Variants in C21orf91 observed in about 807,000 individuals in gnomAD.
The protein encoded by C21orf91 is protein EURL homolog.
C21orf91 carries 26 observed loss-of-function variants against 32.9 expected under a neutral mutation model. The observed-to-expected ratio is 0.79, with a 90% CI of 0.58 to 1.10. C21orf91 has a LOEUF of 1.10. Ranked by LOEUF, C21orf91 falls within the 50% of genes least tolerant of loss-of-function variation. C21orf91 has a pLI of 0.00. For missense variants in C21orf91, 310 were observed against 341.3 expected (o/e 0.91, Z 0.72); for synonymous variants, 126 against 120.4 (o/e 1.05, Z -0.31).
intron 2 of C21orf91, among the ~76,000 whole-genome samples, chr21:17,799,251 T>C (rs868262868): frequency 6.6e-6 from 1 of 152,188 alleles, no homozygotes; most frequent in African/African-American, 2.4e-5. Flanking sequence ...AATAGATATC[T>C]ATTTGAAGAA....
chr21:17,800,667 TGA>T (rs1200001363), intron 2 of C21orf91, among the ~76,000 whole-genome samples: 3 of 152,226 alleles, frequency 2.0e-5, no homozygotes, highest in Non-Finnish European at 2.9e-5. Context: ...TTTGAGGAGC[TGA>T]GTTATAATAA....
chr21:17,799,008 G>GCTAATCC (rs1458856482), intron 2 of C21orf91, among the ~76,000 whole-genome samples: 1 of 152,148 alleles, frequency 6.6e-6, no homozygotes, highest in East Asian at 1.9e-4. Context: ...CAGATGGTTA[G>GCTAATCC]CTAATCCCTC....
Position 17,796,636 on chromosome 21 carries a change from A to G in C21orf91, c.610T>C (p.Ser204Pro), listed in dbSNP as rs2062519956. 6.2e-7 allele frequency: 1 copy of G among 1,613,968 alleles called. No homozygotes were observed. ...GTCTGGACATTAGCCTCTGGACTAGAGATTGTCTCTTCTTTTTTCTGTGCC... is the reference window on the plus strand; with the variant it reads ...GTCTGGACATTAGCCTCTGGACTAGGGATTGTCTCTTCTTTTTTCTGTGCC... ...NQAQKKEETI[S>P]SPEANVQTQH... is the part of the protein sequence containing the mutation. The change falls in exon 3 of 5, where the codon TCT (serine) becomes CCT (proline). Residue 204 changes from serine to proline, a missense_variant. By Grantham distance (74) the Ser-to-Pro change is moderately conservative (BLOSUM62 -1). Transcript: ENST00000284881.
In C21orf91 at chr21:17,809,708, C is replaced by G. The variant is rs191665091; in HGVS notation, c.127+8484G>C. Among the ~76,000 whole-genome samples, 10 of 152,204 alleles carry G rather than the reference C, an allele frequency of 6.6e-5. 1 individual carries two copies. The highest frequency in any genetic ancestry group is 3.3e-4 in the Admixed American group (5 of 15,286). ...TGTCTTTTTCCTCCTCTCATGTAAG[C>G]CTCATGATTTTGGGGATTTGTTTAT... is the stretch of plus-strand genomic sequence containing the variant. On this transcript the variant is annotated intron_variant, in intron 2 of 4. Transcript: ENST00000284881.
intron 2 of C21orf91, among the ~76,000 whole-genome samples, chr21:17,799,998 T>C (rs2062547907): frequency 1.3e-5 from 2 of 152,212 alleles, no homozygotes; most frequent in Admixed American, 6.5e-5. Context: ...GTTACTCCTA[T>C]ATTTAGTCTA....
Position 17,789,253 on chromosome 21 carries a change from T to TAACACACACACACACACACACA in C21orf91, c.*4161_*4162insTGTGTGTGTGTGTGTGTGTGTT, listed in dbSNP as rs201696665. 45 of 149,850 alleles carry TAACACACACACACACACACACA rather than the reference T, an allele frequency of 3.0e-4. No homozygotes were observed. Among genetic ancestry groups the TAACACACACACACACACACACA allele is most frequent in the African/African-American group, 9.6e-4 (39 of 40,546 alleles). 9.3% of individuals were successfully genotyped at this position (149,850 alleles called of 1,614,324 possible). A position where few individuals can be genotyped will look rare whatever the true frequency, so the allele number is the denominator to read the frequency against. ...ATACGCTACTGTTTTAAAGCAAGGT[T>TAACACACACACACACACACACA]CACACACACACACACACACACACAC... On this transcript the variant is annotated 3_prime_UTR_variant, in exon 5 of 5. Transcript: ENST00000284881.
intron 2 of C21orf91, among the ~76,000 whole-genome samples, chr21:17,802,424 G>A (rs1004405044): frequency 2.0e-5 from 3 of 152,226 alleles, no homozygotes; most frequent in African/African-American, 7.2e-5. Context: ...GCCTAGCAAA[G>A]TGCTGGGATT....
intron 2 of C21orf91, among the ~76,000 whole-genome samples, chr21:17,802,426 G>T (rs1351608438): frequency 6.6e-6 from 1 of 152,208 alleles, no homozygotes; most frequent in Non-Finnish European, 1.5e-5. Flanking sequence ...CTAGCAAAGT[G>T]CTGGGATTAC....
intron 3 of C21orf91, among the ~76,000 whole-genome samples, chr21:17,796,162 C>T (rs2130316): frequency 0.21 from 31,433 of 151,996 alleles, 3,433 homozygotes; most frequent in East Asian, 0.39. Context: ...ACAATAAGTG[C>T]ACACATTACC....
At chr21:17,796,429 A>G (rs751868763) in intron 3 of C21orf91, among the ~76,000 whole-genome samples, 153 bp downstream of exon 3, 2 of 152,216 alleles carry the variant, frequency 1.3e-5, no homozygotes, top group Non-Finnish European at 2.9e-5. Context: ...GAAAAATTTT[A>G]AGATGTCTCA....
chr21:17,793,504 T>C lies in C21orf91; in HGVS notation c.805A>G (p.Ile269Val). The change falls in exon 5 of 5, where the codon ATC (isoleucine) becomes GTC (valine). Residue 269 changes from isoleucine (I) to valine (V), a missense_variant. Physicochemically the swap from Ile to Val is conservative, Grantham distance 29. Coordinates refer to ENST00000284881, the MANE Select transcript of C21orf91 (RefSeq NM_001100420.2). ...ASQLHVRHVAIEQLLKNCSKL... is the reference protein window; with the variant it reads ...ASQLHVRHVAVEQLLKNCSKL... The stretch of plus-strand genomic sequence containing the variant: ...GAACAGTTCTTCAGAAGCTGTTCGA[T>C]GGCAACGTGGCGGACATGGAGCTGT... 1 of 1,613,718 alleles carries C rather than the reference T, an allele frequency of 6.2e-7. No individual in the cohort carries two copies. Among genetic ancestry groups the C allele is most frequent in the Non-Finnish European group, 8.5e-7 (1 of 1,179,690 alleles).
intron 2 of C21orf91, among the ~76,000 whole-genome samples, chr21:17,815,777 C>T (rs1440464557): frequency 6.6e-6 from 1 of 152,146 alleles, no homozygotes; most frequent in Non-Finnish European, 1.5e-5. Context: ...TCTCTTGCCT[C>T]AGCCTCCTGA....
intron 2 of C21orf91, among the ~76,000 whole-genome samples, chr21:17,812,636 C>T (rs1319183442): frequency 3.3e-5 from 5 of 152,040 alleles, no homozygotes; most frequent in Non-Finnish European, 7.4e-5. Flanking sequence ...GGTGAAACCC[C>T]GTCTCTACTA....
chr21:17,802,891 A>G (rs990049921), intron 2 of C21orf91, among the ~76,000 whole-genome samples: 1 of 152,252 alleles, frequency 6.6e-6, no homozygotes, highest in African/African-American at 2.4e-5. Flanking sequence ...TTTCCCAACC[A>G]AAGGACTGGC....
At chr21:17,819,051 G>A (rs1327253711) in intron 1 of C21orf91, 2 of 152,208 alleles carry the variant, frequency 1.3e-5, no homozygotes, top group African/African-American at 4.8e-5. Flanking sequence ...GCGTCCGAGG[G>A]CCACGGCGGC....
intron 2 of C21orf91, among the ~76,000 whole-genome samples, chr21:17,804,455 T>C (rs1466499777): frequency 1.3e-5 from 2 of 152,200 alleles, no homozygotes; most frequent in East Asian, 3.8e-4. Context: ...AGGAGCCACT[T>C]AAATGACTAA....
chr21:17,795,053 GTTTC>G lies in C21orf91; in HGVS notation c.727+151_727+154del, dbSNP rs1361999554. 6.0e-5 allele frequency among the ~76,000 whole-genome samples: 9 copies of G among 149,922 alleles called. 1 individual carries two copies. Among genetic ancestry groups the G allele is most frequent in the African/African-American group, 1.7e-4 (7 of 40,702 alleles). ...TGTATTTCCTCTGCAGTTGAAAGTTGTTTCTTTCTTATTCTTTTTGCTCTGGAAA... is the reference window on the plus strand; with the variant it reads ...TGTATTTCCTCTGCAGTTGAAAGTTGTTTCTTATTCTTTTTGCTCTGGAAA... On this transcript the variant is annotated intron_variant, in intron 4 of 4. Coordinates refer to ENST00000284881, the MANE Select transcript of C21orf91 (RefSeq NM_001100420.2).
chr21:17,813,811 A>G (rs909671353), intron 2 of C21orf91: 9 of 151,942 alleles, frequency 5.9e-5, no homozygotes, highest in African/African-American at 2.2e-4. Flanking sequence ...TGAATGCTCA[A>G]CCTGTGTAAC....
At chr21:17,805,926 A>C (rs1339114815) in intron 2 of C21orf91, among the ~76,000 whole-genome samples, 1 of 152,200 alleles carries the variant, frequency 6.6e-6, no homozygotes. Context: ...ATCCACTTAC[A>C]TGGGGCATAT....
Sources: allele counts gnomAD v4.1 joint callset (sites outside exome capture counted in the v4.1 genomes callset), GRCh38; gene constraint gnomAD v4.1.1; transcripts MANE v1.5; gene names NCBI Gene and HGNC (gene_info 2026-07-23, HGNC 2026-07-21).